The following HEATR3 variants were observed in gnomAD, a reference collection of about 807,000 sequenced individuals.
HEATR3 encodes the protein HEAT repeat-containing protein 3.
Under a neutral mutation model 72.8 loss-of-function variants are expected in HEATR3, and 56 were observed. The observed-to-expected ratio is 0.77, with a 90% CI of 0.62 to 0.96. The LOEUF (loss-of-function observed/expected upper bound fraction) is 0.96. Among genes scored for constraint, HEATR3 ranks in the 40% least tolerant of loss-of-function variants. The pLI is 0.00. For synonymous variants in HEATR3, 331 were observed against 318.1 expected, an observed-to-expected ratio of 1.04 and a Z score of -0.43; for missense variants, 747 against 831.4, an observed-to-expected ratio of 0.90 and a Z score of 1.25.
At chr16:50,083,713 A>G (rs1057403597) in intron 7 of HEATR3, among the ~76,000 whole-genome samples, 6 of 152,186 alleles carry the variant, frequency 3.9e-5, no homozygotes, top group African/African-American at 1.4e-4. Flanking sequence ...CCATGCAGAT[A>G]GATGGAAACC....
intron 5 of HEATR3, chr16:50,073,956 T>C (rs560690252): frequency 1.3e-5 from 2 of 152,358 alleles, no homozygotes; most frequent in East Asian, 3.9e-4. Context: ...TTCCATCCCA[T>C]GTATTCATAT....
intron 11 of HEATR3, among the ~76,000 whole-genome samples, chr16:50,093,374 G>A (rs561299821): frequency 3.8e-4 from 58 of 152,306 alleles, no homozygotes; most frequent in African/African-American, 1.3e-3. Flanking sequence ...GCACAGTGGA[G>A]ATGGCTTTTT....
rs73580060 is a variant in HEATR3, at chr16:50,103,242, C to T, written c.1920+807C>T. On this transcript the variant is annotated intron_variant, in intron 14 of 14. Transcript: ENST00000299192. ...GTTAAACAGTGAACTGGGAAAATAA[C>T]CCCTGACTTCTGAAAGGTCTTTGTT... is the stretch of plus-strand genomic sequence containing the variant. Among the ~76,000 whole-genome samples the T allele has an allele frequency of 7.4e-3, 1,122 of 152,318 alleles. 11 individuals carry two copies. Among genetic ancestry groups the T allele is most frequent in the African/African-American group, 0.026 (1,076 of 41,570 alleles).
chr16:50,076,549 T>C (rs1567429694), intron 6 of HEATR3, among the ~76,000 whole-genome samples: 1 of 151,962 alleles, frequency 6.6e-6, no homozygotes, highest in African/African-American at 2.4e-5. Context: ...TCGTTTTGGG[T>C]TTTTTTGAGA....
At chr16:50,080,587 C>A (rs2036846156) in intron 7 of HEATR3, among the ~76,000 whole-genome samples, 1 of 152,074 alleles carries the variant, frequency 6.6e-6, no homozygotes, top group Non-Finnish European at 1.5e-5. Context: ...TGTCTGCCCG[C>A]CTTGGCCTCC....
At chr16:50,074,034 A>G (rs2036669649) in intron 5 of HEATR3, 1 of 152,206 alleles carries the variant, frequency 6.6e-6, no homozygotes, top group African/African-American at 2.4e-5. Flanking sequence ...TAGTTTCTTA[A>G]TGACAAAGAT....
chr16:50,104,307 T>G (rs1167751179), intron 14 of HEATR3, among the ~76,000 whole-genome samples: 1 of 152,162 alleles, frequency 6.6e-6, no homozygotes, highest in Non-Finnish European at 1.5e-5. Flanking sequence ...GACCCATGAC[T>G]GCAGCACGGC....
intron 14 of HEATR3, among the ~76,000 whole-genome samples, chr16:50,104,439 A>T (rs761723856): frequency 2.0e-5 from 3 of 152,072 alleles, no homozygotes. Context: ...TGTGTTGCCC[A>T]GGCTAGTCTT....
chr16:50,066,231 G>A lies in HEATR3; in HGVS notation c.100G>A (p.Glu34Lys), dbSNP rs749598242. ...AAAAANGTGG[E>K]EDDGPAAELL... ...TGCGGCGGCGAATGGGACCGGAGGC[G>A]AGGAGGACGACGGGCCGGCGGCGGA... is the stretch of plus-strand genomic sequence containing the variant. Residue 34 changes from glutamate to lysine, a missense_variant, in exon 1 of 15, where the codon GAG becomes AAG. Transcript: ENST00000299192. 8 of 1,571,476 alleles carry A rather than the reference G, an allele frequency of 5.1e-6. No homozygotes were observed. In the East Asian group the frequency reaches 7.0e-5, roughly 14 times the overall value.
At chr16:50,092,591 C>T (rs2037143614) in intron 11 of HEATR3, among the ~76,000 whole-genome samples, 2 of 151,644 alleles carry the variant, frequency 1.3e-5, no homozygotes, top group Non-Finnish European at 2.9e-5. Context: ...CGCCCGCCAC[C>T]ACGCCTGGCT....
chr16:50,095,388 T>C (rs1436956051), intron 12 of HEATR3, among the ~76,000 whole-genome samples: 1 of 146,118 alleles, frequency 6.8e-6, no homozygotes, highest in Non-Finnish European at 1.5e-5. Context: ...ATGACAGGCG[T>C]GAACCACCGT....
intron 6 of HEATR3, among the ~76,000 whole-genome samples, chr16:50,078,096 C>T (rs2036780401): frequency 6.6e-6 from 1 of 151,856 alleles, no homozygotes; most frequent in South Asian, 2.1e-4. Context: ...AGGCTTGTCT[C>T]GAACTCCTGA....
At chr16:50,099,969 G>T (rs185989677) in intron 12 of HEATR3, among the ~76,000 whole-genome samples, 2 of 152,300 alleles carry the variant, frequency 1.3e-5, no homozygotes, top group Admixed American at 1.3e-4. Context: ...CATCTGGAAT[G>T]AAAGTCTTCA....
chr16:50,071,425 G>A (rs2036608452), intron 4 of HEATR3, among the ~76,000 whole-genome samples: 1 of 152,198 alleles, frequency 6.6e-6, no homozygotes, highest in African/African-American at 2.4e-5. Flanking sequence ...AAACTGATGG[G>A]TGCTGTTTTT....
rs181863736 is a variant in HEATR3, at chr16:50,075,253, G to A, written c.623-318G>A. Among the ~76,000 whole-genome samples the A allele has an allele frequency of 4.7e-3, 686 of 147,422 alleles. 3 individuals are homozygous for A. The highest frequency in any genetic ancestry group is 0.016 in the African/African-American group (658 of 39,962). On this transcript the variant is annotated intron_variant, in intron 5 of 14. Coordinates refer to ENST00000299192, the MANE Select transcript of HEATR3 (RefSeq NM_182922.4). ...AATCGTTTGAACCTGGGAGGCAGAG[G>A]TTGTAGTGAGCTGAGATGCGCCACT...
chr16:50,082,581 T>A (rs1232638877), intron 7 of HEATR3, among the ~76,000 whole-genome samples: 1 of 151,916 alleles, frequency 6.6e-6, no homozygotes, highest in Non-Finnish European at 1.5e-5. Context: ...TTTGCTTTTT[T>A]TTTTTTTAAG....
chr16:50,096,535 A>G (rs988184203), intron 12 of HEATR3, among the ~76,000 whole-genome samples: 5 of 152,100 alleles, frequency 3.3e-5, no homozygotes, highest in African/African-American at 1.2e-4. Flanking sequence ...GCAGTGGCTC[A>G]CGCCTGTAAT....
intron 14 of HEATR3, among the ~76,000 whole-genome samples, chr16:50,103,970 A>G (rs1171138340): frequency 1.3e-5 from 2 of 152,136 alleles, no homozygotes; most frequent in Non-Finnish European, 2.9e-5. Flanking sequence ...TGGAGGCTAC[A>G]GTGAGCTCAG....
At position 50,078,859 on chromosome 16, in the gene HEATR3, A is replaced by T. The variant is rs752160919; in HGVS notation, c.882A>T (p.Gln294His). 5 of 1,614,042 alleles carry T rather than the reference A, an allele frequency of 3.1e-6. No individual in the cohort carries two copies. Among genetic ancestry groups the T allele is most frequent in the Non-Finnish European group, 4.2e-6 (5 of 1,180,032 alleles). ...TGGATGCTGGTGAAATGGTTATTCA[A>T]ATGAAAGAGGCTGAAACGCAAAGGT... ...LGMDAGEMVI[Q>H]MKEAETQRLK... is the part of the protein sequence containing the mutation. The change falls in exon 7 of 15, where the codon CAA (glutamine) becomes CAT (histidine). Residue 294 changes from glutamine to histidine, a missense_variant. Gln to His is a conservative substitution (Grantham distance 24). This residue lies in a region of HEATR3 where 586 missense variants were observed against 708.8 expected (regional missense o/e 0.83). Coordinates refer to ENST00000299192, the MANE Select transcript of HEATR3 (RefSeq NM_182922.4).
Sources: gnomAD v4.1 joint callset for allele counts (sites outside exome capture counted in the v4.1 genomes callset) on GRCh38, gnomAD v4.1.1 for gene constraint, gnomAD v4.1.1 regional missense constraint, MANE v1.5 for transcripts, NCBI Gene and HGNC (gene_info 2026-07-23, HGNC 2026-07-21) for gene names.